Variants in PAK5 observed in about 807,000 individuals in gnomAD.
The protein encoded by PAK5 is serine/threonine-protein kinase PAK 5.
In PAK5, 16 loss-of-function variants were observed where a neutral mutation model predicts 65.9. The ratio of observed to expected loss-of-function variants is 0.24; its 90% confidence interval spans 0.16 to 0.37. The LOEUF (loss-of-function observed/expected upper bound fraction) is 0.37. PAK5 is among the 10% of genes least tolerant of loss of function. The probability of loss-of-function intolerance (pLI) is 1.00; values close to 1 mark genes in which losing one functional copy is unlikely to be tolerated. For synonymous variants in PAK5, 371 were observed against 354.9 expected (o/e 1.05, Z -0.51); for missense variants, 785 against 903.9 (o/e 0.87, Z 1.69).
At chr20:9,733,387 C>CTCTTTCTTTCTT (rs138872634) in intron 1 of PAK5, among the ~76,000 whole-genome samples, 41 of 150,558 alleles carry the variant, frequency 2.7e-4, no homozygotes, top group African/African-American at 9.5e-4. Context: ...TTACCAATCT[C>CTCTTTCTTTCTT]TCTTTCTTTC....
intron 2 of PAK5, among the ~76,000 whole-genome samples, chr20:9,662,335 C>T (rs557994841): frequency 6.6e-6 from 1 of 152,186 alleles, no homozygotes; most frequent in Non-Finnish European, 1.5e-5. Flanking sequence ...TAAAATGTCA[C>T]CAGCAACAAC....
In PAK5 at chr20:9,824,717, C is replaced by T. The variant is rs75547538; in HGVS notation, c.-162+14045G>A. On this transcript the variant is annotated intron_variant, in intron 1 of 9. Transcript: ENST00000353224. The stretch of plus-strand genomic sequence containing the variant: ...AATCACGCCCTTCACTGCCACCCAT[C>T]ACAGCCCTTTTGATTTCCCTTATCC... Among the ~76,000 whole-genome samples, 1,028 of 152,274 alleles carry T rather than the reference C, an allele frequency of 6.8e-3. 11 individuals carry two copies. The highest frequency in any genetic ancestry group is 0.023 in the African/African-American group (946 of 41,562).
chr20:9,637,834 C>T (rs1004917278), intron 3 of PAK5, among the ~76,000 whole-genome samples: 4 of 152,058 alleles, frequency 2.6e-5, no homozygotes, highest in African/African-American at 9.7e-5. Flanking sequence ...TTAAGATATG[C>T]TTTTTTTCAT....
At chr20:9,802,975 A>T in intron 1 of PAK5, among the ~76,000 whole-genome samples, 1 of 139,532 alleles carries the variant, frequency 7.2e-6, no homozygotes, top group South Asian at 2.4e-4. Context: ...CAAATTAAAG[A>T]AAAAAAAAGC....
At chr20:9,763,281 C>G (rs1297758886) in intron 1 of PAK5, among the ~76,000 whole-genome samples, 1 of 152,070 alleles carries the variant, frequency 6.6e-6, no homozygotes, top group African/African-American at 2.4e-5. Context: ...CATGCACACA[C>G]ATGAAATTAT....
At chr20:9,581,358 A>G (rs1603229265) in intron 3 of PAK5, among the ~76,000 whole-genome samples, 2 of 152,176 alleles carry the variant, frequency 1.3e-5, no homozygotes, top group East Asian at 3.8e-4. Context: ...ACTGTTTTAC[A>G]TTCATTATTC....
intron 1 of PAK5, among the ~76,000 whole-genome samples, chr20:9,793,861 T>G (rs1031860997): frequency 4.6e-5 from 7 of 152,042 alleles, no homozygotes; most frequent in African/African-American, 1.7e-4. Context: ...CATTTTACTA[T>G]AAAGACACAT....
chr20:9,672,383 C>T (rs2047511912), intron 2 of PAK5, among the ~76,000 whole-genome samples: 2 of 149,240 alleles, frequency 1.3e-5, no homozygotes. Flanking sequence ...ACCCAAATCT[C>T]CTCTTGAATT....
At chr20:9,589,405 T>A (rs2046126801) in intron 3 of PAK5, among the ~76,000 whole-genome samples, 1 of 152,236 alleles carries the variant, frequency 6.6e-6, no homozygotes, top group South Asian at 2.1e-4. Flanking sequence ...TTAGATATTT[T>A]CAATAAATAT....
rs1017779385 is a variant in PAK5, at chr20:9,785,139, C to A, written c.-162+53623G>T. On this transcript the variant is annotated intron_variant, in intron 1 of 9. Transcript: ENST00000353224. ...CATAACCCCTGGCTATTTTTCTGGT[C>A]TATAGCCTATGCTCATCGTAAGAAT... 2.0e-5 allele frequency among the ~76,000 whole-genome samples: 3 copies of A among 152,156 alleles called. No homozygotes were observed. In the East Asian group the frequency reaches 5.8e-4, roughly 29 times the overall value.
intron 2 of PAK5, among the ~76,000 whole-genome samples, chr20:9,699,042 G>A (rs1204174907): frequency 1.3e-5 from 2 of 152,114 alleles, no homozygotes; most frequent in African/African-American, 4.8e-5. Context: ...TGTGGAGATA[G>A]AGGAAACTTT....
intron 2 of PAK5, among the ~76,000 whole-genome samples, chr20:9,686,709 T>A (rs969839356): frequency 6.6e-6 from 1 of 152,198 alleles, no homozygotes; most frequent in Non-Finnish European, 1.5e-5. Flanking sequence ...TCCATACCTC[T>A]GCAGGTAACC....
At chr20:9,636,543 A>G (rs921813021) in intron 3 of PAK5, among the ~76,000 whole-genome samples, 27 of 152,362 alleles carry the variant, frequency 1.8e-4, no homozygotes, top group Middle Eastern at 3.4e-3. Context: ...AGTCAGAGCC[A>G]GCTTTGTATT....
chr20:9,620,089 A>G (rs1418176275), intron 3 of PAK5, among the ~76,000 whole-genome samples: 1 of 152,230 alleles, frequency 6.6e-6, no homozygotes. Flanking sequence ...CTGTTGTAAC[A>G]AGGTGGGTAC....
intron 1 of PAK5, among the ~76,000 whole-genome samples, chr20:9,805,838 T>C (rs765492013): frequency 3.3e-5 from 5 of 152,196 alleles, no homozygotes; most frequent in South Asian, 2.1e-4. Context: ...ACTCTTTCAA[T>C]AGTCTAACAA....
At chr20:9,634,236 A>G (rs2046957379) in intron 3 of PAK5, among the ~76,000 whole-genome samples, 1 of 152,116 alleles carries the variant, frequency 6.6e-6, no homozygotes, top group Non-Finnish European at 1.5e-5. Context: ...GACATCACCC[A>G]TTTGTGATTA....
At chr20:9,740,833 T>C (rs567868104) in intron 1 of PAK5, among the ~76,000 whole-genome samples, 1 of 152,344 alleles carries the variant, frequency 6.6e-6, no homozygotes, top group African/African-American at 2.4e-5. Flanking sequence ...TGAGGTTTTG[T>C]AGTTGTTTGT....
At chr20:9,623,159 G>A (rs1469830408) in intron 3 of PAK5, among the ~76,000 whole-genome samples, 2 of 152,128 alleles carry the variant, frequency 1.3e-5, no homozygotes, top group Non-Finnish European at 2.9e-5. Flanking sequence ...TTTTCTAATT[G>A]TCTCATCTTA....
intron 1 of PAK5, among the ~76,000 whole-genome samples, chr20:9,772,400 G>C (rs1274013686): frequency 6.6e-6 from 1 of 152,216 alleles, no homozygotes; most frequent in Non-Finnish European, 1.5e-5. Flanking sequence ...CCAAGAAAGA[G>C]GGTTTTGCAG....
Sources: gnomAD v4.1 joint callset for allele counts (sites outside exome capture counted in the v4.1 genomes callset) on GRCh38, gnomAD v4.1.1 for gene constraint, MANE v1.5 for transcripts, NCBI Gene and HGNC (gene_info 2026-07-23, HGNC 2026-07-21) for gene names.